The following CCDC186 variants were observed in gnomAD, a reference collection of about 807,000 sequenced individuals.
The protein encoded by CCDC186 is coiled-coil domain-containing protein 186.
Under a neutral mutation model 113.7 loss-of-function variants are expected in CCDC186, and 49 were observed. The observed-to-expected ratio is 0.43, with a 90% CI of 0.34 to 0.55. The LOEUF is 0.55. Ranked by LOEUF, CCDC186 falls within the 20% of genes least tolerant of loss-of-function variation. The probability of loss-of-function intolerance (pLI) is 0.02; values close to 1 mark genes in which losing one functional copy is unlikely to be tolerated. For missense variants in CCDC186, 890 were observed against 1,011.1 expected (o/e 0.88, Z 1.62); for synonymous variants, 355 against 345.8 (o/e 1.03, Z -0.30).
At chr10:114,152,997 A>G (rs1228839639) in intron 3 of CCDC186, among the ~76,000 whole-genome samples, 2 of 152,222 alleles carry the variant, frequency 1.3e-5, no homozygotes, top group Non-Finnish European at 2.9e-5. Context: ...TAACAGAAAT[A>G]AAAGGGAAAA....
chr10:114,161,413 C>A (rs1055257333), intron 2 of CCDC186, among the ~76,000 whole-genome samples: 2 of 151,978 alleles, frequency 1.3e-5, no homozygotes, highest in African/African-American at 4.8e-5. Flanking sequence ...TACATGTTTA[C>A]TGCTATTATT....
chr10:114,127,411 A>G (rs1451001435), intron 14 of CCDC186, 50 bp downstream of exon 14: 1 of 1,517,516 alleles, frequency 6.6e-7, no homozygotes, highest in South Asian at 1.2e-5. Flanking sequence ...ACTTTGCTAT[A>G]TGAGTAACGG....
intron 13 of CCDC186, among the ~76,000 whole-genome samples, chr10:114,128,574 C>G (rs531943444): frequency 6.6e-6 from 1 of 152,204 alleles, no homozygotes; most frequent in Admixed American, 6.5e-5. Context: ...AATCATGCAG[C>G]CTCTCTGAAT....
rs772551029 is a variant in CCDC186 at position 114,132,146 on chromosome 10, T to C, written c.1694A>G (p.Glu565Gly). The C allele has an allele frequency of 1.9e-6, 3 of 1,602,588 alleles. No individual in the cohort carries two copies. The highest frequency in any genetic ancestry group is 1.7e-6 in the Non-Finnish European group (2 of 1,175,170). ...QEIENLKEEV[E>G]SLNSLINDLQ... The stretch of plus-strand genomic sequence containing the variant: ...GTCATTAATCAAAGAATTAAGACTT[T>C]CCACTTCTTCTTTCAAATTTTCAAT... The change falls in exon 11 of 16, where the codon GAA (glutamate) becomes GGA (glycine). Residue 565 changes from glutamate to glycine, a missense_variant. Glu to Gly is a moderately conservative substitution (Grantham distance 98). Coordinates refer to ENST00000369287, the MANE Select transcript of CCDC186 (RefSeq NM_018017.4).
intron 4 of CCDC186, among the ~76,000 whole-genome samples, chr10:114,149,763 AGGAAGGAAGGAAGG>A (rs2031778877): frequency 9.4e-5 from 2 of 21,356 alleles, no homozygotes; most frequent in Non-Finnish European, 2.3e-4. Flanking sequence ...GCAGGAAGGA[AGGAAGGAAGGAAGG>A]CAGGAAGGCA....
intron 1 of CCDC186, chr10:114,173,322 G>T: frequency 7.1e-6 from 3 of 425,060 alleles, no homozygotes; most frequent in South Asian, 5.0e-5. Flanking sequence ...TAACAGCTAA[G>T]CAATACTCAC....
chr10:114,165,921 G>A, intron 1 of CCDC186: 1 of 983,942 alleles, frequency 1.0e-6, no homozygotes, highest in Non-Finnish European at 1.2e-6. Flanking sequence ...AAGCAGCTGG[G>A]AACAGCTTCA....
chr10:114,160,539 C>A (rs675298), intron 2 of CCDC186, among the ~76,000 whole-genome samples: 4 of 152,054 alleles, frequency 2.6e-5, no homozygotes, highest in African/African-American at 4.8e-5. Flanking sequence ...TCTCACCACA[C>A]ACACACAAAG....
intron 3 of CCDC186, among the ~76,000 whole-genome samples, chr10:114,155,415 C>T (rs2031981484): frequency 6.6e-6 from 1 of 152,220 alleles, no homozygotes; most frequent in Non-Finnish European, 1.5e-5. Context: ...TGGCTCACGC[C>T]TGTAATCCCA....
At chr10:114,146,238 G>A (rs1297689034) in intron 4 of CCDC186, among the ~76,000 whole-genome samples, 1 of 152,184 alleles carries the variant, frequency 6.6e-6, no homozygotes, top group African/African-American at 2.4e-5. Context: ...CCCTTGTCAG[G>A]TGCCCTCTCT....
rs1299826430 is a variant in CCDC186, at chr10:114,144,659, C to T, written c.1102-43G>A. 11 of 1,509,974 alleles carry T rather than the reference C, an allele frequency of 7.3e-6. No homozygotes were observed. In the East Asian group the frequency reaches 2.4e-4, roughly 33 times the overall value. 93.5% of individuals were successfully genotyped at this position (1,509,974 alleles called of 1,614,324 possible). A position where few individuals can be genotyped will look rare whatever the true frequency, so the allele number is the denominator to read the frequency against. ...GGTCATATATTTTCATTTATAGAAT[C>T]AATTAATTATATCTTTTATATTCCC... On this transcript the variant is annotated intron_variant, in intron 5 of 15. Coordinates refer to ENST00000369287, the MANE Select transcript of CCDC186 (RefSeq NM_018017.4).
At chr10:114,157,411 C>CA in intron 3 of CCDC186, 143 bp downstream of exon 3, 2 of 583,712 alleles carry the variant, frequency 3.4e-6, no homozygotes, top group Middle Eastern at 5.2e-4. Context: ...AGGCTGGTCT[C>CA]AAACTCCTGG....
In CCDC186 at chr10:114,131,042, G is replaced by A; in HGVS notation, c.2101+105C>T. On this transcript the variant is annotated intron_variant, in intron 12 of 15. Transcript: ENST00000369287. ...AATTTGGTTTACTAATATTAACAAA[G>A]AAAACATACAGCTTCAATCAATGTG... is the stretch of plus-strand genomic sequence containing the variant. The A allele has an allele frequency of 3.0e-6, 3 of 1,002,282 alleles. No homozygotes were observed. In the South Asian group the frequency reaches 9.5e-5, roughly 32 times the overall value. 62.1% of individuals were successfully genotyped at this position (1,002,282 alleles called of 1,614,324 possible).
intron 3 of CCDC186, among the ~76,000 whole-genome samples, chr10:114,151,536 A>G (rs2031857272): frequency 6.6e-6 from 1 of 152,236 alleles, no homozygotes; most frequent in Admixed American, 6.5e-5. Flanking sequence ...CCACAGTTCA[A>G]AAATATTAAA....
chr10:114,131,413 C>T, intron 11 of CCDC186, 77 bp from the exon 12 acceptor site: 1 of 1,234,732 alleles, frequency 8.1e-7, no homozygotes, highest in East Asian at 2.6e-5. Flanking sequence ...ATAACCTTAA[C>T]AATCTAAGGT....
At chr10:114,166,477 A>AT (rs2032339133) in intron 1 of CCDC186, among the ~76,000 whole-genome samples, 1 of 152,238 alleles carries the variant, frequency 6.6e-6, no homozygotes, top group Non-Finnish European at 1.5e-5. Flanking sequence ...TACACTCATC[A>AT]AGCACATAGA....
chr10:114,135,798 A>T, intron 9 of CCDC186, 93 bp downstream of exon 9: 1 of 980,886 alleles, frequency 1.0e-6, no homozygotes, highest in Non-Finnish European at 1.5e-6. Context: ...TTTCTATATT[A>T]ATGTCCTTTC....
chr10:114,154,046 C>CA (rs2031935192), intron 3 of CCDC186, among the ~76,000 whole-genome samples: 4 of 150,964 alleles, frequency 2.6e-5, no homozygotes, highest in Admixed American at 2.6e-4. Flanking sequence ...CCCATCTCCA[C>CA]AAAAAAATAC....
rs769761230 is a variant in CCDC186, at chr10:114,157,620, G to A, written c.693C>T (p.Asp231=). Residue 231 remains aspartate, a synonymous_variant, in exon 3 of 16, where the codon GAC becomes GAT. Coordinates refer to ENST00000369287, the MANE Select transcript of CCDC186 (RefSeq NM_018017.4). ...ELFVDICSEK[D]NLREELKKRT... is the part of the protein sequence containing the mutation. ...TTTTCTTTAGTTCTTCTCTTAAATT[G>A]TCTTTTTCTGAACAAATGTCTACGA... 2.5e-6 allele frequency: 4 copies of A among 1,609,638 alleles called. No homozygotes were observed. The highest frequency in any genetic ancestry group is 3.3e-4 in the Middle Eastern group (2 of 5,976).
Sources: gnomAD v4.1 joint callset for allele counts (sites outside exome capture counted in the v4.1 genomes callset) on GRCh38, gnomAD v4.1.1 for gene constraint, MANE v1.5 for transcripts, NCBI Gene and HGNC (gene_info 2026-07-23, HGNC 2026-07-21) for gene names.